The following TXNDC15 variants were observed in gnomAD, a reference collection of about 807,000 sequenced individuals.
TXNDC15 encodes the protein thioredoxin domain-containing protein 15.
TXNDC15 carries 24 observed loss-of-function variants against 35.0 expected under a neutral mutation model. The observed-to-expected ratio is 0.68, with a 90% CI of 0.50 to 0.96. TXNDC15 has a LOEUF of 0.96. Ranked by LOEUF, TXNDC15 falls within the 40% of genes least tolerant of loss-of-function variation. TXNDC15 has a pLI of 0.00. For missense variants in TXNDC15, 385 were observed against 453.3 expected (o/e 0.85, Z 1.37); for synonymous variants, 169 against 174.0 (o/e 0.97, Z 0.23).
chr5:134,895,251 T>C (rs896640364), intron 3 of TXNDC15, among the ~76,000 whole-genome samples: 7 of 152,220 alleles, frequency 4.6e-5, no homozygotes, highest in African/African-American at 1.7e-4. Flanking sequence ...CCTGAAACTT[T>C]TATGAAGAAA....
chr5:134,895,180 CA>C (rs1327921647), intron 3 of TXNDC15, among the ~76,000 whole-genome samples: 80 of 136,374 alleles, frequency 5.9e-4, no homozygotes, highest in Admixed American at 8.8e-4. Flanking sequence ...GACCCTGTCT[CA>C]AAAAAAAAAA....
At chr5:134,879,741 C>T (rs1034987140) in intron 1 of TXNDC15, among the ~76,000 whole-genome samples, 1 of 151,876 alleles carries the variant, frequency 6.6e-6, no homozygotes, top group African/African-American at 2.4e-5. Context: ...GCTGCCCAAG[C>T]CTTAAACTCT....
Position 134,899,702 on chromosome 5 carries a change from G to A in TXNDC15, c.*17G>A. On this transcript the variant is annotated 3_prime_UTR_variant, in exon 5 of 5. Coordinates refer to ENST00000358387, the MANE Select transcript of TXNDC15 (RefSeq NM_024715.4). ...GTGGAGTAGTGATGGTCTGAAAGAAGTTGGAAAGAGGAACTTCAATCCTTC... is the reference window on the plus strand; with the variant it reads ...GTGGAGTAGTGATGGTCTGAAAGAAATTGGAAAGAGGAACTTCAATCCTTC... 1 of 1,548,238 alleles carries A rather than the reference G, an allele frequency of 6.5e-7. No homozygotes were observed. Among genetic ancestry groups the A allele is most frequent in the Non-Finnish European group, 8.7e-7 (1 of 1,150,680 alleles).
intron 1 of TXNDC15, among the ~76,000 whole-genome samples, chr5:134,880,945 G>T (rs958139594): frequency 6.6e-6 from 1 of 151,740 alleles, no homozygotes; most frequent in Non-Finnish European, 1.5e-5. Context: ...TTGAGTTTGG[G>T]TTTTGTTGAG....
chr5:134,879,774 A>G (rs1020572819), intron 1 of TXNDC15, among the ~76,000 whole-genome samples: 1 of 137,794 alleles, frequency 7.3e-6, no homozygotes, highest in Non-Finnish European at 1.6e-5. Context: ...CTCCATTGCC[A>G]CCTCTCCCTT....
At chr5:134,880,084 CG>C (rs1750111929) in intron 1 of TXNDC15, among the ~76,000 whole-genome samples, 1 of 152,006 alleles carries the variant, frequency 6.6e-6, no homozygotes, top group South Asian at 2.1e-4. Context: ...GTGTGAGCCA[CG>C]CGCCCAGCCC....
intron 4 of TXNDC15, among the ~76,000 whole-genome samples, chr5:134,897,314 C>T (rs1750512105): frequency 6.6e-6 from 1 of 152,090 alleles, no homozygotes; most frequent in African/African-American, 2.4e-5. Flanking sequence ...ATGGCATAAT[C>T]TCAGTTCACT....
chr5:134,874,342 C>T, upstream of TXNDC15: 1 of 1,186,062 alleles, frequency 8.4e-7, no homozygotes, highest in Non-Finnish European at 1.1e-6. Context: ...GCCGCGCCCG[C>T]GCTCCCAGGC....
Position 134,882,595 on chromosome 5 carries a change from C to T in TXNDC15, c.104-5100C>T, listed in dbSNP as rs187330909. On this transcript the variant is annotated intron_variant, in intron 1 of 4. Coordinates refer to ENST00000358387, the MANE Select transcript of TXNDC15 (RefSeq NM_024715.4). ...GGAGACTCCTGCAATCCCGGCACCT[C>T]GGGAGGCCGAGGCTGGCGGATCACT... is the stretch of plus-strand genomic sequence containing the variant. Among the ~76,000 whole-genome samples, 543 of 152,350 alleles carry T rather than the reference C, an allele frequency of 3.6e-3. 8 individuals carry two copies. The East Asian group carries it at 0.037, about 11-fold the overall frequency.
chr5:134,883,134 C>A (rs1339385754), intron 1 of TXNDC15, among the ~76,000 whole-genome samples: 1 of 151,662 alleles, frequency 6.6e-6, no homozygotes, highest in Non-Finnish European at 1.5e-5. Context: ...AGCAAAAATA[C>A]AAAATAATTA....
chr5:134,891,335 T>C (rs539146776), intron 2 of TXNDC15, among the ~76,000 whole-genome samples: 137 of 152,356 alleles, frequency 9.0e-4, no homozygotes, highest in African/African-American at 2.6e-3. Context: ...AAATCCCTCC[T>C]TGATTCATGG....
At chr5:134,890,336 T>C (rs1046724545) in intron 2 of TXNDC15, among the ~76,000 whole-genome samples, 3 of 151,920 alleles carry the variant, frequency 2.0e-5, no homozygotes, top group African/African-American at 7.3e-5. Flanking sequence ...GGCCCACAGT[T>C]TCGTTTCGTT....
At chr5:134,887,224 G>A (rs1363739383) in intron 1 of TXNDC15, among the ~76,000 whole-genome samples, 2 of 152,096 alleles carry the variant, frequency 1.3e-5, no homozygotes, top group Non-Finnish European at 2.9e-5. Flanking sequence ...TTGCTCTGTC[G>A]CCCAGACTGG....
chr5:134,898,568 TAGG>T (rs905850911), intron 4 of TXNDC15, among the ~76,000 whole-genome samples: 11 of 152,326 alleles, frequency 7.2e-5, no homozygotes, highest in South Asian at 4.1e-4. Context: ...AGTTGGCTGA[TAGG>T]AGTAAAAGTA....
intron 3 of TXNDC15, among the ~76,000 whole-genome samples, chr5:134,894,921 C>T (rs1750460675): frequency 6.6e-6 from 1 of 152,030 alleles, no homozygotes; most frequent in African/African-American, 2.4e-5. Context: ...CACCTGTAAT[C>T]CCATCACTTT....
rs977784961 is a variant in TXNDC15, at chr5:134,900,195, C to T, written c.*510C>T. On this transcript the variant is annotated 3_prime_UTR_variant, in exon 5 of 5. Transcript: ENST00000358387. ...GTAGCAAGTGATGGAAAATAAGAGT[C>T]AAATACCTTGATGTTTGTGATCTCT... 6.6e-6 allele frequency: 1 copy of T among 151,984 alleles called. No individual in the cohort carries two copies. Among genetic ancestry groups the T allele is most frequent in the African/African-American group, 2.4e-5 (1 of 41,120 alleles). 9.4% of individuals were successfully genotyped at this position (151,984 alleles called of 1,614,324 possible).
At chr5:134,888,453 A>G (rs1750322609) in intron 2 of TXNDC15, among the ~76,000 whole-genome samples, 1 of 152,166 alleles carries the variant, frequency 6.6e-6, no homozygotes, top group Non-Finnish European at 1.5e-5. Flanking sequence ...TAGAAATCCC[A>G]GTGGACAGAT....
chr5:134,889,188 T>A (rs566720948), intron 2 of TXNDC15, among the ~76,000 whole-genome samples: 1 of 152,322 alleles, frequency 6.6e-6, no homozygotes, highest in Non-Finnish European at 1.5e-5. Flanking sequence ...TTAAACAGTC[T>A]GAGTTATGGA....
intron 4 of TXNDC15, among the ~76,000 whole-genome samples, chr5:134,897,122 CAG>C (rs1561902072): frequency 6.6e-6 from 1 of 151,696 alleles, no homozygotes; most frequent in African/African-American, 2.4e-5. Flanking sequence ...TTAGTAGAGA[CAG>C]GGTTTCGCCT....
Sources: gnomAD v4.1 joint callset for allele counts (sites outside exome capture counted in the v4.1 genomes callset) on GRCh38, gnomAD v4.1.1 for gene constraint, MANE v1.5 for transcripts, NCBI Gene and HGNC (gene_info 2026-07-23, HGNC 2026-07-21) for gene names.